The following SLC13A3 variants were observed in gnomAD, a reference collection of about 807,000 sequenced individuals.
The protein encoded by SLC13A3 is solute carrier family 13 member 3, also known as Na(+)/dicarboxylate cotransporter 3.
A neutral mutation model predicts 59.0 loss-of-function variants in SLC13A3; 40 were observed. The observed-to-expected ratio is 0.68, with a 90% CI of 0.53 to 0.88. The LOEUF (loss-of-function observed/expected upper bound fraction) is 0.88. SLC13A3 is among the 40% of genes least tolerant of loss of function. The probability of loss-of-function intolerance (pLI) is 0.00; values close to 1 mark genes in which losing one functional copy is unlikely to be tolerated. For missense variants in SLC13A3, 699 were observed against 783.2 expected (o/e 0.89, Z 1.28); for synonymous variants, 317 against 330.3 (o/e 0.96, Z 0.44).
chr20:46,577,907 T>C (rs569626445), intron 9 of SLC13A3, among the ~76,000 whole-genome samples: 88 of 152,348 alleles, frequency 5.8e-4, no homozygotes, highest in Non-Finnish European at 7.9e-4. Context: ...CCTCGGAGAC[T>C]TACTGGAAAG....
At position 46,651,322 on chromosome 20, in the gene SLC13A3, G is replaced by T; in HGVS notation, c.100C>A (p.Leu34Ile). 1.3e-6 allele frequency: 2 copies of T among 1,511,790 alleles called. No homozygotes were observed. The highest frequency in any genetic ancestry group is 2.7e-5 in the East Asian group (1 of 36,882). 93.6% of individuals were successfully genotyped at this position (1,511,790 alleles called of 1,614,324 possible). A position where few individuals can be genotyped will look rare whatever the true frequency, so the allele number is the denominator to read the frequency against. ...GGAGGAGGCGTTACCTTGGGCGGGA[G>T]GGCGAAGACCACCGGCAGCAGCGCG... ...PLALLPVVFA[L>I]PPKEGRCLFV... Residue 34 changes from leucine (L) to isoleucine (I), a missense_variant, in exon 1 of 13, where the codon CTC (leucine) becomes ATC (isoleucine). Coordinates refer to ENST00000279027, the MANE Select transcript of SLC13A3 (RefSeq NM_022829.6).
At chr20:46,625,038 GA>G (rs1285430488) in intron 1 of SLC13A3, among the ~76,000 whole-genome samples, 1 of 152,184 alleles carries the variant, frequency 6.6e-6, no homozygotes, top group Non-Finnish European at 1.5e-5. Context: ...GCTGTAAAGG[GA>G]AGCTGAGGGG....
chr20:46,626,123 G>GTC (rs997252516), intron 1 of SLC13A3, among the ~76,000 whole-genome samples: 64 of 89,664 alleles, frequency 7.1e-4, no homozygotes, highest in African/African-American at 3.2e-3. Flanking sequence ...CTCTCTCTCT[G>GTC]TCTCTCTCTC....
chr20:46,580,987 A>G (rs1264476814), intron 9 of SLC13A3, among the ~76,000 whole-genome samples: 10 of 152,254 alleles, frequency 6.6e-5, no homozygotes. Flanking sequence ...AAAAGTGCAT[A>G]TAAATATGAC....
chr20:46,590,813 A>G (rs1281546434), intron 6 of SLC13A3, among the ~76,000 whole-genome samples: 7 of 152,176 alleles, frequency 4.6e-5, no homozygotes, highest in African/African-American at 1.7e-4. Flanking sequence ...TCTTATAAAA[A>G]TGCTTGCTTC....
chr20:46,602,124 A>G (rs1249528097), intron 3 of SLC13A3, among the ~76,000 whole-genome samples: 1 of 152,128 alleles, frequency 6.6e-6, no homozygotes, highest in East Asian at 1.9e-4. Context: ...GCTTGAGCCG[A>G]GAGTTTGAAA....
chr20:46,621,393 C>T (rs932104876), intron 1 of SLC13A3, among the ~76,000 whole-genome samples: 2 of 152,094 alleles, frequency 1.3e-5, no homozygotes, highest in African/African-American at 4.8e-5. Flanking sequence ...TAATGTAAAA[C>T]AAAGATGGCA....
intron 10 of SLC13A3, among the ~76,000 whole-genome samples, chr20:46,575,354 T>C (rs897364777): frequency 6.6e-6 from 1 of 152,240 alleles, no homozygotes; most frequent in Non-Finnish European, 1.5e-5. Context: ...TTGCCCATCA[T>C]GAGCTCCTTA....
At chr20:46,623,644 T>C (rs1037603835) in intron 1 of SLC13A3, among the ~76,000 whole-genome samples, 3 of 152,204 alleles carry the variant, frequency 2.0e-5, no homozygotes, top group African/African-American at 7.2e-5. Flanking sequence ...AGGGTAGTGT[T>C]GCAGCTTACA....
At chr20:46,659,606 C>A (rs564667565) in intron 1 of SLC13A3, among the ~76,000 whole-genome samples, 1 of 151,194 alleles carries the variant, frequency 6.6e-6, no homozygotes, top group African/African-American at 2.4e-5. Context: ...TCCCAGCTAC[C>A]GGGGAGGCTG....
chr20:46,655,269 GTATACACATA>G (rs201042150), upstream of SLC13A3, among the ~76,000 whole-genome samples: 7,908 of 149,108 alleles, frequency 0.053, 262 homozygotes, highest in East Asian at 0.11. Flanking sequence ...ATACACATAT[GTATACACATA>G]TATACACATA....
At chr20:46,619,830 C>T (rs1452150197) in intron 1 of SLC13A3, among the ~76,000 whole-genome samples, 1 of 152,190 alleles carries the variant, frequency 6.6e-6, no homozygotes, top group Non-Finnish European at 1.5e-5. Flanking sequence ...TATCTATGCT[C>T]TCACAGCACT....
At chr20:46,643,893 C>G (rs1055387750) in intron 1 of SLC13A3, among the ~76,000 whole-genome samples, 1 of 151,976 alleles carries the variant, frequency 6.6e-6, no homozygotes, top group Non-Finnish European at 1.5e-5. Context: ...CAAAAATTAG[C>G]CAGGCGTGGT....
intron 1 of SLC13A3, among the ~76,000 whole-genome samples, chr20:46,622,813 A>G (rs2062630176): frequency 6.6e-6 from 1 of 152,232 alleles, no homozygotes; most frequent in African/African-American, 2.4e-5. Flanking sequence ...AAAGGGATAC[A>G]AAGGGATAGT....
rs1279525777 is a variant in SLC13A3, at chr20:46,651,347, G to C, written c.75C>G (p.Leu25=). 2.0e-6 allele frequency: 3 copies of C among 1,514,540 alleles called. No homozygotes were observed. Among genetic ancestry groups the C allele is most frequent in the East Asian group, 2.7e-5 (1 of 36,992 alleles). The allele number at this position is 1,514,540 out of a possible 1,614,324, so 93.8% of individuals were successfully genotyped here. The change falls in exon 1 of 13, where the codon CTC becomes CTG. Residue 25 remains leucine (L), a synonymous_variant. Transcript: ENST00000279027. ...RRLLVLLFTP[L]ALLPVVFALP... is the part of the protein sequence containing the mutation. ...GGGCGAAGACCACCGGCAGCAGCGC[G>C]AGCGGCGTGAACAGCAGCACCAGCA...
chr20:46,599,304 G>T (rs1249111118), intron 4 of SLC13A3, among the ~76,000 whole-genome samples: 1 of 152,234 alleles, frequency 6.6e-6, no homozygotes, highest in Non-Finnish European at 1.5e-5. Context: ...TGAGCAGATC[G>T]CTTGGCTCCC....
At chr20:46,589,653 A>G (rs1284996107) in intron 6 of SLC13A3, among the ~76,000 whole-genome samples, 1 of 152,228 alleles carries the variant, frequency 6.6e-6, no homozygotes, top group Non-Finnish European at 1.5e-5. Context: ...TATCAGACAT[A>G]TAGATCAATG....
At chr20:46,656,285 CTGTATATAATATACTATACAGTA>C (rs2062990306), upstream of SLC13A3, among the ~76,000 whole-genome samples, 2 of 75,532 alleles carry the variant, frequency 2.6e-5, no homozygotes, top group Non-Finnish European at 7.9e-5. Flanking sequence ...ATATATTATA[CTGTATATAATATACTATACAGTA>C]TATATTATAC....
chr20:46,600,324 A>AAGGAAGGAAAGGAAGGAAAGG (rs61169434), intron 3 of SLC13A3, among the ~76,000 whole-genome samples: 1 of 83,804 alleles, frequency 1.2e-5, no homozygotes, highest in Admixed American at 1.1e-4. Context: ...GGAAGGAAGG[A>AAGGAAGGAAAGGAAGGAAAGG]AAGGAAGGAA....
Sources: gnomAD v4.1 joint callset for allele counts (sites outside exome capture counted in the v4.1 genomes callset) on GRCh38, gnomAD v4.1.1 for gene constraint, MANE v1.5 for transcripts, NCBI Gene and HGNC (gene_info 2026-07-23, HGNC 2026-07-21) for gene names.